The following PBX3 variants were observed in gnomAD, a reference collection of about 807,000 sequenced individuals.
The protein encoded by PBX3 is pre-B-cell leukemia transcription factor 3.
Under a neutral mutation model 48.5 loss-of-function variants are expected in PBX3, and 14 were observed. That is an observed-to-expected ratio of 0.29 (90% CI 0.19 to 0.45). PBX3 has a LOEUF of 0.45. Among genes scored for constraint, PBX3 ranks in the 20% least tolerant of loss-of-function variants. The probability of loss-of-function intolerance (pLI) is 1.00; values close to 1 mark genes in which losing one functional copy is unlikely to be tolerated. For synonymous variants in PBX3, 210 were observed against 200.3 expected (o/e 1.05, Z -0.41); for missense variants, 386 against 546.7 (o/e 0.71, Z 2.93).
intron 2 of PBX3, among the ~76,000 whole-genome samples, chr9:125,775,916 A>G (rs1369408211): frequency 6.6e-6 from 1 of 152,192 alleles, no homozygotes; most frequent in African/African-American, 2.4e-5. Context: ...GCAATGTCTA[A>G]TAGTTTTCAT....
At chr9:125,785,577 A>C (rs1320012295) in intron 2 of PBX3, among the ~76,000 whole-genome samples, 1 of 152,088 alleles carries the variant, frequency 6.6e-6, no homozygotes, top group Non-Finnish European at 1.5e-5. Flanking sequence ...AGGCTTTTTG[A>C]CTTGGACTAA....
intron 2 of PBX3, among the ~76,000 whole-genome samples, chr9:125,860,983 A>T (rs1839849871): frequency 6.6e-6 from 1 of 151,214 alleles, no homozygotes; most frequent in African/African-American, 2.4e-5. Context: ...TACTAGGATG[A>T]TTATAATGAA....
chr9:125,818,836 TG>T (rs1838558893), intron 2 of PBX3, among the ~76,000 whole-genome samples: 2 of 151,968 alleles, frequency 1.3e-5, no homozygotes, highest in Admixed American at 6.6e-5. Flanking sequence ...ATGATGATGA[TG>T]ATTATTATTA....
chr9:125,870,294 C>T (rs1028423036), intron 2 of PBX3, among the ~76,000 whole-genome samples: 1 of 152,060 alleles, frequency 6.6e-6, no homozygotes, highest in Non-Finnish European at 1.5e-5. Flanking sequence ...GTCTCAAACT[C>T]CTGACCTCAA....
intron 5 of PBX3, among the ~76,000 whole-genome samples, chr9:125,960,447 G>A (rs548273543): frequency 3.3e-5 from 5 of 152,246 alleles, no homozygotes; most frequent in South Asian, 2.1e-4. Context: ...GCTCCCTGCC[G>A]TTTTGGTATT....
At chr9:125,788,823 C>A (rs1211346145) in intron 2 of PBX3, among the ~76,000 whole-genome samples, 1 of 151,662 alleles carries the variant, frequency 6.6e-6, no homozygotes, top group African/African-American at 2.4e-5. Context: ...TACAGTGAGC[C>A]CAGATTGCGC....
intron 2 of PBX3, among the ~76,000 whole-genome samples, chr9:125,873,185 A>G (rs927098226): frequency 1.4e-4 from 22 of 151,772 alleles, no homozygotes; most frequent in Admixed American, 5.9e-4. Flanking sequence ...ACTCTGTCTC[A>G]AAAAAACAAA....
chr9:125,834,407 T>A (rs572578371), intron 2 of PBX3, among the ~76,000 whole-genome samples: 1 of 152,012 alleles, frequency 6.6e-6, no homozygotes, highest in African/African-American at 2.4e-5. Flanking sequence ...TTTTTTTTAT[T>A]TTTATTTTTT....
intron 2 of PBX3, among the ~76,000 whole-genome samples, chr9:125,909,356 T>C (rs1041777835): frequency 6.6e-6 from 1 of 152,158 alleles, no homozygotes; most frequent in African/African-American, 2.4e-5. Flanking sequence ...TTTTAAGAAG[T>C]CTTTTCCCAC....
chr9:125,785,406 T>C (rs1424858104), intron 2 of PBX3, among the ~76,000 whole-genome samples: 1 of 152,224 alleles, frequency 6.6e-6, no homozygotes, highest in East Asian at 1.9e-4. Context: ...CTAAATCTTC[T>C]GGCTTTCATC....
chr9:125,836,600 G>C (rs1839144270), intron 2 of PBX3, among the ~76,000 whole-genome samples: 1 of 152,128 alleles, frequency 6.6e-6, no homozygotes, highest in Non-Finnish European at 1.5e-5. Flanking sequence ...TAGCTCAGTA[G>C]GGTGACCTAT....
At chr9:125,853,889 T>A (rs985268720) in intron 2 of PBX3, among the ~76,000 whole-genome samples, 18 of 152,060 alleles carry the variant, frequency 1.2e-4, no homozygotes, top group Admixed American at 1.1e-3. Context: ...TTTTAGGGAG[T>A]AAATACTTTA....
At chr9:125,854,351 T>A (rs1839664834) in intron 2 of PBX3, among the ~76,000 whole-genome samples, 1 of 151,942 alleles carries the variant, frequency 6.6e-6, no homozygotes, top group African/African-American at 2.4e-5. Flanking sequence ...CCCAGGCTGG[T>A]CTTGAACTCC....
At chr9:125,820,479 G>A (rs1452782534) in intron 2 of PBX3, among the ~76,000 whole-genome samples, 1 of 152,216 alleles carries the variant, frequency 6.6e-6, no homozygotes, top group Non-Finnish European at 1.5e-5. Flanking sequence ...AAAAAGTATA[G>A]TGGGACTTAC....
intron 2 of PBX3, among the ~76,000 whole-genome samples, chr9:125,829,434 G>A (rs924686365): frequency 6.6e-6 from 1 of 152,116 alleles, no homozygotes; most frequent in Admixed American, 6.5e-5. Flanking sequence ...ATAATTATAT[G>A]TATCATATTT....
At chr9:125,748,451 G>T (rs999967674) in intron 1 of PBX3, 99 bp from the exon 2 acceptor site, 109 of 1,535,134 alleles carry the variant, frequency 7.1e-5, no homozygotes, top group Non-Finnish European at 5.7e-5. Flanking sequence ...CTTCCAGAAT[G>T]GGGGGCTGGA....
At chr9:125,918,360 A>G (rs112127459) in intron 3 of PBX3, among the ~76,000 whole-genome samples, 5,460 of 152,230 alleles carry the variant, frequency 0.036, 335 homozygotes, top group African/African-American at 0.12. Flanking sequence ...CCAGCATCAA[A>G]TCACCAGGGT....
At chr9:125,772,775 A>G (rs965694388) in intron 2 of PBX3, among the ~76,000 whole-genome samples, 2 of 152,226 alleles carry the variant, frequency 1.3e-5, no homozygotes, top group Non-Finnish European at 2.9e-5. Context: ...TCTTCGAGAA[A>G]CATACTGGGG....
intron 2 of PBX3, among the ~76,000 whole-genome samples, chr9:125,753,638 C>A (rs1290626645): frequency 6.6e-6 from 1 of 151,780 alleles, no homozygotes; most frequent in Non-Finnish European, 1.5e-5. Flanking sequence ...TAATGACCCT[C>A]ATTTTATTAC....
Sources: allele counts gnomAD v4.1 joint callset (sites outside exome capture counted in the v4.1 genomes callset), GRCh38; gene constraint gnomAD v4.1.1; transcripts MANE v1.5; gene names NCBI Gene and HGNC (gene_info 2026-07-23, HGNC 2026-07-21).